Variants in PTH2R observed in about 807,000 individuals in gnomAD.
PTH2R encodes the protein parathyroid hormone 2 receptor, also known as PTH2 receptor.
Under a neutral mutation model 60.3 loss-of-function variants are expected in PTH2R, and 59 were observed. The ratio of observed to expected loss-of-function variants is 0.98; its 90% CI spans 0.79 to 1.22. The LOEUF (loss-of-function observed/expected upper bound fraction) is 1.22. Among genes scored for constraint, PTH2R ranks in the 50% most tolerant of loss-of-function variants. The pLI is 0.00. For missense variants in PTH2R, 749 were observed against 682.6 expected (o/e 1.10, Z -1.08); for synonymous variants, 256 against 243.8 (o/e 1.05, Z -0.47).
intron 1 of PTH2R, among the ~76,000 whole-genome samples, chr2:208,376,108 C>T (rs911006826): frequency 6.6e-6 from 1 of 152,112 alleles, no homozygotes; most frequent in African/African-American, 2.4e-5. Context: ...TGCTTCACTG[C>T]CATTTCACAG....
rs1247802384 is a variant in PTH2R at position 208,489,100 on chromosome 2, C to A, written c.1165C>A (p.Leu389Ile). Residue 389 changes from leucine to isoleucine, a missense_variant, in exon 11 of 13, where the codon CTC (leucine) becomes ATC (isoleucine). By Grantham distance (5) the Leu-to-Ile change is conservative. Transcript: ENST00000272847. ...FVCLPHSFTG[L>I]GWEIRMHCEL... ...ATGCCTGCCTCACTCCTTCACTGGG[C>A]TCGGGTGGGAGATCCGCATGCACTG... is the stretch of plus-strand genomic sequence containing the variant. 1 of 1,614,142 alleles carries A rather than the reference C, an allele frequency of 6.2e-7. No individual in the cohort carries two copies. The highest frequency in any genetic ancestry group is 1.7e-5 in the Admixed American group (1 of 60,020).
intron 8 of PTH2R, among the ~76,000 whole-genome samples, chr2:208,459,074 G>A (rs113301074): frequency 0.015 from 2,247 of 152,182 alleles, 48 homozygotes; most frequent in African/African-American, 0.048. Context: ...CCCACCAACA[G>A]CATATAAGGG....
upstream of PTH2R, among the ~76,000 whole-genome samples, chr2:208,405,702 G>A (rs1701388958): frequency 6.6e-6 from 1 of 152,154 alleles, no homozygotes; most frequent in East Asian, 1.9e-4. Context: ...TGGGCTGAAT[G>A]TTTATGTTCC....
At chr2:208,402,857 A>G (rs1312306608), upstream of PTH2R, among the ~76,000 whole-genome samples, 1 of 152,200 alleles carries the variant, frequency 6.6e-6, no homozygotes, top group Admixed American at 6.5e-5. Flanking sequence ...AGTTCTATGG[A>G]AATGCTAAAG....
rs546090795 is a variant in PTH2R at position 208,413,596 on chromosome 2, C to T, written c.75+6478C>T. Among the ~76,000 whole-genome samples, 23 of 152,290 alleles carry T rather than the reference C, an allele frequency of 1.5e-4. No homozygotes were observed. In the South Asian group the frequency reaches 4.4e-3, roughly 29 times the overall value. On this transcript the variant is annotated intron_variant, in intron 1 of 12. Coordinates refer to ENST00000272847, the MANE Select transcript of PTH2R (RefSeq NM_005048.4). ...TAACCATTATTTTTATATTTTTGAA[C>T]ATTTTTAACATATGGAATGTAAAAT...
intron 1 of PTH2R, among the ~76,000 whole-genome samples, chr2:208,408,033 A>G (rs1460036332): frequency 1.3e-5 from 2 of 152,222 alleles, no homozygotes; most frequent in Admixed American, 6.5e-5. Flanking sequence ...TTAAATTTCA[A>G]TTATTCTAAA....
Position 208,444,905 on chromosome 2 carries a change from C to G in PTH2R, c.853+18C>G. On this transcript the variant is annotated intron_variant, in intron 7 of 12. Coordinates refer to ENST00000272847, the MANE Select transcript of PTH2R (RefSeq NM_005048.4). ...AGGCTGGGGTAAGACATTTATATCT[C>G]TGTTCCTTTCAAACTGGATGATGCA... The G allele has an allele frequency of 1.2e-6, 2 of 1,602,450 alleles. No individual in the cohort carries two copies. The highest frequency in any genetic ancestry group is 1.7e-6 in the Non-Finnish European group (2 of 1,174,022).
intron 9 of PTH2R, among the ~76,000 whole-genome samples, chr2:208,468,104 G>A (rs975699410): frequency 3.9e-5 from 6 of 152,204 alleles, no homozygotes; most frequent in African/African-American, 1.4e-4. Context: ...TGGGATTTCA[G>A]GCCACATTAT....
In PTH2R at chr2:208,489,019, G is replaced by T. The variant is rs773391058; in HGVS notation, c.1084G>T (p.Ala362Ser). The T allele has an allele frequency of 7.4e-6, 12 of 1,613,920 alleles. No homozygotes were observed. The highest frequency in any genetic ancestry group is 8.5e-7 in the Non-Finnish European group (1 of 1,179,950). Residue 362 changes from alanine (A) to serine (S), a missense_variant, in exon 11 of 13, where the codon GCC (alanine) becomes TCC (serine). Transcript: ENST00000272847. The part of the protein sequence containing the change: ...HDTRKQYRKL[A>S]KSTLVLVLVF... ...CTTGCTGTTCTCCTTTAGGAAACTG[G>T]CCAAATCGACACTGGTCCTGGTCCT...
intron 1 of PTH2R, among the ~76,000 whole-genome samples, chr2:208,409,287 C>A (rs1217795930): frequency 6.6e-6 from 1 of 152,086 alleles, no homozygotes; most frequent in African/African-American, 2.4e-5. Context: ...TCATATTGGG[C>A]TAAGATTCTT....
chr2:208,433,207 A>G (rs1702007237), intron 2 of PTH2R, among the ~76,000 whole-genome samples: 2 of 152,246 alleles, frequency 1.3e-5, no homozygotes, highest in African/African-American at 4.8e-5. Context: ...GCATGTAGAT[A>G]AATAAATACT....
intron 1 of PTH2R, among the ~76,000 whole-genome samples, chr2:208,371,413 T>A (rs1164436942): frequency 6.6e-6 from 1 of 152,128 alleles, no homozygotes; most frequent in Non-Finnish European, 1.5e-5. Context: ...CAGAACCTTT[T>A]ATACTTTCTC....
intron 1 of PTH2R, among the ~76,000 whole-genome samples, chr2:208,392,004 G>C (rs1190005419): frequency 6.6e-6 from 1 of 152,190 alleles, no homozygotes; most frequent in African/African-American, 2.4e-5. Flanking sequence ...AACAGACGAA[G>C]ACTATCTCAA....
At chr2:208,433,653 TGAAA>T (rs1170494428) in intron 2 of PTH2R, among the ~76,000 whole-genome samples, 3 of 152,200 alleles carry the variant, frequency 2.0e-5, no homozygotes, top group African/African-American at 7.2e-5. Flanking sequence ...CTAATGTTTA[TGAAA>T]GAGAGAAAAG....
At chr2:208,451,246 G>T (rs140033170) in intron 8 of PTH2R, among the ~76,000 whole-genome samples, 1 of 152,078 alleles carries the variant, frequency 6.6e-6, no homozygotes, top group Admixed American at 6.5e-5. Context: ...CGATAAGGTA[G>T]CACGAAGGGG....
intron 10 of PTH2R, among the ~76,000 whole-genome samples, chr2:208,483,017 A>G (rs971704218): frequency 6.6e-6 from 1 of 152,198 alleles, no homozygotes; most frequent in Non-Finnish European, 1.5e-5. Flanking sequence ...CCTGCATGCA[A>G]CTTTGTATTT....
upstream of PTH2R, among the ~76,000 whole-genome samples, chr2:208,402,966 G>A (rs1223922650): frequency 1.3e-5 from 2 of 152,132 alleles, no homozygotes; most frequent in African/African-American, 2.4e-5. Context: ...GTGTCCTTCT[G>A]CACATCATTT....
At chr2:208,422,994 G>C (rs1167420709) in intron 1 of PTH2R, among the ~76,000 whole-genome samples, 1 of 151,480 alleles carries the variant, frequency 6.6e-6, no homozygotes, top group African/African-American at 2.4e-5. Flanking sequence ...TTCTTGGTTG[G>C]CTTTCTAGAA....
chr2:208,363,657 C>T (rs1341586000), intron 1 of PTH2R, among the ~76,000 whole-genome samples: 2 of 152,220 alleles, frequency 1.3e-5, no homozygotes, highest in African/African-American at 4.8e-5. Context: ...GTTTCCTTTT[C>T]TGCACAACCT....
Sources: allele counts gnomAD v4.1 joint callset (sites outside exome capture counted in the v4.1 genomes callset), GRCh38; gene constraint gnomAD v4.1.1; transcripts MANE v1.5; gene names NCBI Gene and HGNC (gene_info 2026-07-23, HGNC 2026-07-21).